SUCLG2: variants seen among roughly 807,000 people sequenced by gnomAD.
SUCLG2 encodes succinate--CoA ligase [GDP-forming] subunit beta, mitochondrial.
A neutral mutation model predicts 47.9 loss-of-function variants in SUCLG2; 42 were observed. That is an observed-to-expected ratio of 0.88 (90% CI 0.69 to 1.14). The LOEUF (loss-of-function observed/expected upper bound fraction) is 1.14. Ranked by LOEUF, SUCLG2 falls within the 50% of genes most tolerant of loss-of-function variation. The probability of loss-of-function intolerance (pLI) is 0.00; values close to 1 mark genes in which losing one functional copy is unlikely to be tolerated. For synonymous variants in SUCLG2, 195 were observed against 197.3 expected (o/e 0.99, Z 0.10); for missense variants, 571 against 525.9 (o/e 1.09, Z -0.84).
intron 1 of SUCLG2, among the ~76,000 whole-genome samples, chr3:67,613,239 G>A (rs1700563839): frequency 6.6e-6 from 1 of 152,118 alleles, no homozygotes; most frequent in African/African-American, 2.4e-5. Flanking sequence ...TATGCTATGG[G>A]CTTTCTAGTA....
intron 4 of SUCLG2, among the ~76,000 whole-genome samples, chr3:67,521,626 A>G (rs1294161810): frequency 6.6e-6 from 1 of 150,676 alleles, no homozygotes; most frequent in East Asian, 1.9e-4. Flanking sequence ...AAAAAAAGAC[A>G]GAGTCTCACT....
chr3:67,559,029 T>C lies in SUCLG2; in HGVS notation c.227-29843A>G, dbSNP rs1353671728. ...TCATATAGGTTTCAACTCTTAAAAC[T>C]ATCAAGTTTTTATGTGGGAGCAAAT... On this transcript the variant is annotated intron_variant, in intron 2 of 10. Transcript: ENST00000307227. 2.0e-5 allele frequency among the ~76,000 whole-genome samples: 3 copies of C among 152,210 alleles called. No homozygotes were observed. The South Asian group carries it at 6.2e-4, about 32-fold the overall frequency.
At chr3:67,412,204 C>T (rs537462902) in intron 9 of SUCLG2, among the ~76,000 whole-genome samples, 11 of 152,130 alleles carry the variant, frequency 7.2e-5, no homozygotes, top group Non-Finnish European at 1.3e-4. Flanking sequence ...ACTACATTGG[C>T]AGAGCACTCC....
intron 9 of SUCLG2, among the ~76,000 whole-genome samples, chr3:67,442,148 C>G (rs1041792508): frequency 6.8e-6 from 1 of 147,572 alleles, no homozygotes; most frequent in African/African-American, 2.5e-5. Flanking sequence ...GTAGCTGGGA[C>G]TACAGGCGCC....
chr3:67,364,741 C>A (rs188330895), intron 10 of SUCLG2, among the ~76,000 whole-genome samples: 48 of 152,250 alleles, frequency 3.2e-4, no homozygotes, highest in Middle Eastern at 3.4e-3. Flanking sequence ...AAAGTAACAT[C>A]CACAATGTCC....
At chr3:67,419,930 A>C (rs999533699) in intron 9 of SUCLG2, among the ~76,000 whole-genome samples, 1 of 152,204 alleles carries the variant, frequency 6.6e-6, no homozygotes, top group Non-Finnish European at 1.5e-5. Flanking sequence ...ATGTTTAAGA[A>C]AAGGTGAGGG....
intron 9 of SUCLG2, among the ~76,000 whole-genome samples, chr3:67,462,310 G>T (rs766533132): frequency 6.6e-6 from 1 of 152,084 alleles, no homozygotes; most frequent in Non-Finnish European, 1.5e-5. Flanking sequence ...TTCCGAAGGG[G>T]TCCTGTGTCA....
At chr3:67,360,778 G>C (rs1224568097) in intron 10 of SUCLG2, 1 of 1,507,986 alleles carries the variant, frequency 6.6e-7, no homozygotes, top group Non-Finnish European at 8.8e-7. Flanking sequence ...CCTGAAATTG[G>C]AGTGAGATTC....
intron 2 of SUCLG2, among the ~76,000 whole-genome samples, chr3:67,566,460 T>C (rs541397058): frequency 6.6e-6 from 1 of 152,188 alleles, no homozygotes; most frequent in African/African-American, 2.4e-5. Flanking sequence ...TAAATCTATA[T>C]GAAAATAGTC....
intron 2 of SUCLG2, among the ~76,000 whole-genome samples, chr3:67,585,551 C>A (rs1707992781): frequency 6.6e-6 from 1 of 152,186 alleles, no homozygotes; most frequent in African/African-American, 2.4e-5. Flanking sequence ...CTGTCTCCAG[C>A]TGCCACTGGA....
chr3:67,632,890 A>G (rs1700950610), intron 1 of SUCLG2, among the ~76,000 whole-genome samples: 1 of 152,210 alleles, frequency 6.6e-6, no homozygotes, highest in Non-Finnish European at 1.5e-5. Flanking sequence ...TACCTAACAC[A>G]AAGTACACAC....
intron 9 of SUCLG2, among the ~76,000 whole-genome samples, chr3:67,432,549 G>C (rs551616889): frequency 5.9e-5 from 9 of 152,166 alleles, no homozygotes; most frequent in African/African-American, 2.2e-4. Context: ...CTATCCTTAT[G>C]CCTAGAGCTT....
rs189525616 is a variant in SUCLG2 at position 67,435,666 on chromosome 3, T to C, written c.1063-34815A>G. 1.1e-4 allele frequency among the ~76,000 whole-genome samples: 17 copies of C among 152,278 alleles called. 1 individual carries two copies. The highest frequency in any genetic ancestry group is 4.1e-4 in the African/African-American group (17 of 41,562). Reference sequence around the variant, plus strand: ...AAGGTTGCAAGAATAGGAAAGCTAGTGAAAGTAAAGAAAATATTTTTTAGA... The same window carrying C: ...AAGGTTGCAAGAATAGGAAAGCTAGCGAAAGTAAAGAAAATATTTTTTAGA... On this transcript the variant is annotated intron_variant, in intron 9 of 10. Coordinates refer to ENST00000307227, the MANE Select transcript of SUCLG2 (RefSeq NM_003848.4).
rs1291411041 is a variant in SUCLG2 at position 67,375,091 on chromosome 3, C to T, written c.*653G>A. 2.0e-6 allele frequency: 2 copies of T among 985,526 alleles called. No individual in the cohort carries two copies. Among genetic ancestry groups the T allele is most frequent in the African/African-American group, 3.5e-5 (2 of 57,180 alleles). The allele number at this position is 985,526 out of a possible 1,614,324, so 61.0% of individuals were successfully genotyped here. ...GGTTTTCTTTTTAGTGTGAGGTAAA[C>T]AGTATATTCAATATTAAGGCAAATG... is the stretch of plus-strand genomic sequence containing the variant. On this transcript the variant is annotated 3_prime_UTR_variant, in exon 11 of 11. Coordinates refer to ENST00000307227, the MANE Select transcript of SUCLG2 (RefSeq NM_003848.4).
chr3:67,619,840 T>C (rs554683442), intron 1 of SUCLG2, among the ~76,000 whole-genome samples: 1 of 152,274 alleles, frequency 6.6e-6, no homozygotes, highest in Admixed American at 6.5e-5. Context: ...AACATTAGCA[T>C]ATTAGCACAA....
chr3:67,567,141 G>A (rs754075465), intron 2 of SUCLG2, among the ~76,000 whole-genome samples: 3 of 151,744 alleles, frequency 2.0e-5, no homozygotes, highest in Admixed American at 1.3e-4. Context: ...CCAAGATCGC[G>A]CCACTGCACT....
chr3:67,605,531 C>T (rs557678461), intron 2 of SUCLG2, among the ~76,000 whole-genome samples: 2 of 152,268 alleles, frequency 1.3e-5, no homozygotes, highest in South Asian at 4.2e-4. Flanking sequence ...GGAAGGATTA[C>T]TCATTCATTC....
intron 9 of SUCLG2, among the ~76,000 whole-genome samples, chr3:67,412,515 G>C (rs1240577888): frequency 6.6e-6 from 1 of 152,166 alleles, no homozygotes; most frequent in Non-Finnish European, 1.5e-5. Flanking sequence ...GCTGACTAGA[G>C]AGAACGGATT....
intron 5 of SUCLG2, among the ~76,000 whole-genome samples, chr3:67,519,885 G>A (rs1327836682): frequency 3.3e-5 from 5 of 152,108 alleles, no homozygotes; most frequent in African/African-American, 9.7e-5. Flanking sequence ...ATTTAAAAAT[G>A]AGGTTTGGAG....
Sources: gnomAD v4.1 joint callset for allele counts (sites outside exome capture counted in the v4.1 genomes callset) on GRCh38, gnomAD v4.1.1 for gene constraint, MANE v1.5 for transcripts, NCBI Gene and HGNC (gene_info 2026-07-23, HGNC 2026-07-21) for gene names.